Variants in PRUNE2 observed in about 807,000 individuals in gnomAD.
PRUNE2 encodes the protein prune homolog 2 with BCH domain.
A neutral mutation model predicts 252.0 loss-of-function variants in PRUNE2; 164 were observed. The observed-to-expected ratio is 0.65, with a 90% CI of 0.57 to 0.74. The LOEUF is 0.74. Among genes scored for constraint, PRUNE2 ranks in the 30% least tolerant of loss-of-function variants. The pLI is 0.00. For synonymous variants in PRUNE2, 1,292 were observed against 1,350.2 expected (o/e 0.96, Z 0.94); for missense variants, 3,495 against 3,711.0 (o/e 0.94, Z 1.51).
chr9:76,847,438 T>C (rs745918354), intron 3 of PRUNE2, among the ~76,000 whole-genome samples: 5 of 151,944 alleles, frequency 3.3e-5, no homozygotes, highest in Non-Finnish European at 5.9e-5. Flanking sequence ...ATACAATTTA[T>C]ACATTGTATA....
At chr9:76,892,097 T>C (rs1340196650) in intron 1 of PRUNE2, among the ~76,000 whole-genome samples, 1 of 152,162 alleles carries the variant, frequency 6.6e-6, no homozygotes, top group Non-Finnish European at 1.5e-5. Flanking sequence ...CTGGTCTCAT[T>C]AGCAGAGTTG....
rs1198122291 is a variant in PRUNE2 at position 76,637,569 on chromosome 9, G to C, written c.8832-20C>G. 2.5e-6 allele frequency: 4 copies of C among 1,603,052 alleles called. No individual in the cohort carries two copies. The highest frequency in any genetic ancestry group is 2.6e-6 in the Non-Finnish European group (3 of 1,174,750). ...ACATATCTGATCACAGGAAGGAAGAGGAATGTTTTCAGTTCCCACATCCTA... is the reference window on the plus strand; with the variant it reads ...ACATATCTGATCACAGGAAGGAAGACGAATGTTTTCAGTTCCCACATCCTA... On this transcript the variant is annotated intron_variant, in intron 13 of 18. Coordinates refer to ENST00000376718, the MANE Select transcript of PRUNE2 (RefSeq NM_015225.3).
At position 76,731,322 on chromosome 9, in the gene PRUNE2, A is replaced by T. The variant is rs1181518165; in HGVS notation, c.757-17601T>A. Among the ~76,000 whole-genome samples the T allele has an allele frequency of 7.6e-3, 774 of 101,490 alleles. 8 individuals are homozygous for T. Among genetic ancestry groups the T allele is most frequent in the African/African-American group, 0.03 (705 of 23,624 alleles). 66.6% of individuals were successfully genotyped at this position (101,490 alleles called of 152,430 possible). ...TCTATCTATCTATCTATATATATAT[A>T]TATTTTTTTTTTTTTTTTGAGACAG... On this transcript the variant is annotated intron_variant, in intron 6 of 18. Transcript: ENST00000376718.
intron 15 of PRUNE2, among the ~76,000 whole-genome samples, chr9:76,634,095 G>A (rs774765763): frequency 1.3e-5 from 2 of 152,178 alleles, no homozygotes; most frequent in Non-Finnish European, 2.9e-5. Flanking sequence ...CTGGGTGACT[G>A]AAGGCGACCG....
chr9:76,633,056 T>C (rs1021798596), intron 15 of PRUNE2, among the ~76,000 whole-genome samples: 1 of 151,768 alleles, frequency 6.6e-6, no homozygotes, highest in African/African-American at 2.4e-5. Flanking sequence ...AACCTGTCTC[T>C]ACTAAAAATA....
chr9:76,873,602 G>A (rs973919440), intron 1 of PRUNE2, among the ~76,000 whole-genome samples: 13 of 152,144 alleles, frequency 8.5e-5, no homozygotes, highest in African/African-American at 2.9e-4. Flanking sequence ...CCAACAGCGC[G>A]TCTTCCTCTC....
chr9:76,903,299 G>A (rs7035057), intron 1 of PRUNE2, among the ~76,000 whole-genome samples: 91,730 of 151,810 alleles, frequency 0.6, 28,727 homozygotes, highest in African/African-American at 0.78. Flanking sequence ...GGACTTTGGA[G>A]GAGTCATTAA....
rs149845863 is a variant in PRUNE2, at chr9:76,703,949, C to T, written c.7664G>A (p.Arg2555His). The T allele has an allele frequency of 5.1e-5, 82 of 1,613,804 alleles. No individual in the cohort carries two copies. Among genetic ancestry groups the T allele is most frequent in the South Asian group, 9.9e-5 (9 of 91,078 alleles). ...TGGCTTTGAGTGTGAATTTTCTTCA[C>T]GGTTTACAAGTATGTAATCCATGTG... The part of the protein sequence containing the change: ...ALHMDYILVN[R>H]EENSHSKPET... The change falls in exon 9 of 19, where the codon CGT (arginine) becomes CAT (histidine). Residue 2555 changes from arginine to histidine, a missense_variant. Transcript: ENST00000376718.
At chr9:76,768,599 G>GTC (rs1327468826) in intron 6 of PRUNE2, among the ~76,000 whole-genome samples, 2 of 151,314 alleles carry the variant, frequency 1.3e-5, no homozygotes, top group African/African-American at 2.4e-5. Context: ...GTGTGTGTGT[G>GTC]TGTGTGTGTG....
At chr9:76,791,239 T>C in intron 6 of PRUNE2, among the ~76,000 whole-genome samples, 1 of 151,378 alleles carries the variant, frequency 6.6e-6, no homozygotes, top group Middle Eastern at 3.4e-3. Context: ...GGTACAATAA[T>C]ACTGCACCAA....
chr9:76,889,192 G>A (rs964242181), intron 1 of PRUNE2, among the ~76,000 whole-genome samples: 2 of 152,118 alleles, frequency 1.3e-5, no homozygotes, highest in East Asian at 3.9e-4. Context: ...GCCAGGCACT[G>A]TGAAGTCACA....
chr9:76,646,976 T>C (rs988666979), intron 11 of PRUNE2, among the ~76,000 whole-genome samples: 20 of 152,186 alleles, frequency 1.3e-4, no homozygotes, highest in African/African-American at 3.9e-4. Flanking sequence ...TCACTTGAGC[T>C]CAGGGGTTCA....
chr9:76,739,121 T>C (rs889841454), intron 6 of PRUNE2: 1 of 152,198 alleles, frequency 6.6e-6, no homozygotes, highest in Admixed American at 6.5e-5. Context: ...ACCTCGTATA[T>C]TCCACTATTC....
At chr9:76,680,502 A>C (rs2043309143) in intron 9 of PRUNE2, among the ~76,000 whole-genome samples, 1 of 152,230 alleles carries the variant, frequency 6.6e-6, no homozygotes. Context: ...AATCGATTAA[A>C]AATAGAATTA....
chr9:76,616,967 AATAAATAAATAC>A (rs1176384428), intron 18 of PRUNE2, among the ~76,000 whole-genome samples: 1 of 151,736 alleles, frequency 6.6e-6, no homozygotes, highest in East Asian at 1.9e-4. Flanking sequence ...AAAATAAATA[AATAAATAAATAC>A]ATAAATAAAT....
At chr9:76,640,043 T>A (rs1157739786) in intron 12 of PRUNE2, among the ~76,000 whole-genome samples, 1 of 152,220 alleles carries the variant, frequency 6.6e-6, no homozygotes, top group Non-Finnish European at 1.5e-5. Context: ...AATGTGTGAA[T>A]TTTTTATTTT....
chr9:76,621,401 G>A (rs1433316730), intron 17 of PRUNE2, among the ~76,000 whole-genome samples: 1 of 152,158 alleles, frequency 6.6e-6, no homozygotes, highest in Non-Finnish European at 1.5e-5. Flanking sequence ...CACCTGTGGG[G>A]TCAACAGAGT....
intron 1 of PRUNE2, among the ~76,000 whole-genome samples, chr9:76,864,469 A>G (rs911532881): frequency 7.8e-6 from 1 of 128,946 alleles, no homozygotes; most frequent in African/African-American, 5.1e-5. Flanking sequence ...ATAAATAAAT[A>G]TAAATAAATA....
chr9:76,891,595 CG>C (rs2133502836), intron 1 of PRUNE2, among the ~76,000 whole-genome samples: 1 of 152,338 alleles, frequency 6.6e-6, no homozygotes, highest in East Asian at 1.9e-4. Flanking sequence ...CAAAGAAAAG[CG>C]GCATCAGGAT....
Sources: allele counts gnomAD v4.1 joint callset (sites outside exome capture counted in the v4.1 genomes callset), GRCh38; gene constraint gnomAD v4.1.1; transcripts MANE v1.5; gene names NCBI Gene and HGNC (gene_info 2026-07-23, HGNC 2026-07-21).